DPP6: variants seen among roughly 807,000 people sequenced by gnomAD.
The protein encoded by DPP6 is A-type potassium channel modulatory protein DPP6.
A neutral mutation model predicts 122.6 loss-of-function variants in DPP6; 69 were observed. That is an observed-to-expected ratio of 0.56 (90% CI 0.46 to 0.69). The LOEUF is 0.69. DPP6 is among the 30% of genes least tolerant of loss of function. DPP6 has a pLI of 0.00. For synonymous variants in DPP6, 418 were observed against 433.1 expected (o/e 0.97, Z 0.43); for missense variants, 928 against 1,116.9 (o/e 0.83, Z 2.41).
intron 1 of DPP6, among the ~76,000 whole-genome samples, chr7:154,293,923 TGCAAAGATGAATAA>T (rs1805367620): frequency 6.6e-6 from 1 of 152,176 alleles, no homozygotes; most frequent in Non-Finnish European, 1.5e-5. Context: ...GCACACAGGA[TGCAAAGATGAATAA>T]GACCTTCCCT....
At chr7:153,790,602 G>T in the DPP6 span, among the ~76,000 whole-genome samples, 1 of 152,122 alleles carries the variant, frequency 6.6e-6, no homozygotes, top group Admixed American at 6.5e-5. Flanking sequence ...TGCTCTTTCT[G>T]TTGTAAAATG....
At chr7:154,622,823 C>T (rs1834782619) in intron 5 of DPP6, among the ~76,000 whole-genome samples, 1 of 152,214 alleles carries the variant, frequency 6.6e-6, no homozygotes, top group Non-Finnish European at 1.5e-5. Context: ...GAATCTCTCT[C>T]AGCAGATTTT....
chr7:154,387,297 C>T (rs1814201595), intron 1 of DPP6, among the ~76,000 whole-genome samples: 1 of 150,212 alleles, frequency 6.7e-6, no homozygotes, highest in Non-Finnish European at 1.5e-5. Context: ...CAGTGACACA[C>T]AGTCCTTGCC....
intron 1 of DPP6, among the ~76,000 whole-genome samples, chr7:154,107,795 C>G (rs71203937): frequency 2.6e-5 from 4 of 152,280 alleles, no homozygotes; most frequent in South Asian, 2.1e-4. Context: ...CCCAGAAGTG[C>G]TGGTGAGGGG....
At chr7:153,904,422 C>T (rs529159388) in intron 1 of DPP6, among the ~76,000 whole-genome samples, 114 of 152,282 alleles carry the variant, frequency 7.5e-4, no homozygotes, top group African/African-American at 2.6e-3. Context: ...GTTCTCAGCA[C>T]CCTCATCAGT....
chr7:154,458,453 A>G (rs1420375292), intron 2 of DPP6, among the ~76,000 whole-genome samples: 1 of 152,068 alleles, frequency 6.6e-6, no homozygotes, highest in East Asian at 1.9e-4. Flanking sequence ...AGTCTCAGGT[A>G]TTTCTTCATA....
chr7:154,672,997 A>G (rs1838662912), intron 7 of DPP6, among the ~76,000 whole-genome samples: 1 of 152,118 alleles, frequency 6.6e-6, no homozygotes, highest in Admixed American at 6.6e-5. Flanking sequence ...TTAGGGGATC[A>G]TATGCTGTCT....
At position 154,052,642 on chromosome 7, in the gene DPP6, C is replaced by T. The variant is rs1235664376; in HGVS notation, c.-179C>T. On this transcript the variant is annotated 5_prime_UTR_variant, in exon 1 of 26. Transcript: ENST00000377770. The surrounding 1 kb of genome is among the most constrained non-coding windows in gnomAD (Gnocchi z 4.8). ...CCAGGCAGAGTCGCCAGCGGAGACT[C>T]GCGAGTGGCGCGCGGGAGGAGCGGC... 7.9e-7 allele frequency: 1 copy of T among 1,261,574 alleles called. No individual in the cohort carries two copies. Among genetic ancestry groups the T allele is most frequent in the Admixed American group, 3.4e-5 (1 of 29,448 alleles). 78.1% of individuals were successfully genotyped at this position (1,261,574 alleles called of 1,614,324 possible).
chr7:154,373,438 C>T (rs532855349), intron 1 of DPP6, among the ~76,000 whole-genome samples: 33 of 152,306 alleles, frequency 2.2e-4, no homozygotes, highest in African/African-American at 7.7e-4. Flanking sequence ...TGAACGGGCT[C>T]CTGGCCGCTG....
chr7:154,297,883 G>A (rs1055288084), intron 1 of DPP6, among the ~76,000 whole-genome samples: 1 of 152,162 alleles, frequency 6.6e-6, no homozygotes, highest in East Asian at 1.9e-4. Context: ...CAGATGCTGC[G>A]ACGAGCTTTT....
Position 154,617,365 on chromosome 7 carries a change from G to A in DPP6, c.628-20456G>A, listed in dbSNP as rs558215804. ...TGCAGTTAAGGATCCTGGAATTACA[G>A]CATCTAATGTTCTAACTCTACTGCC... On this transcript the variant is annotated intron_variant, in intron 5 of 25. Coordinates refer to ENST00000377770, the MANE Select transcript of DPP6 (RefSeq NM_130797.4). Among the ~76,000 whole-genome samples, 12 of 152,336 alleles carry A rather than the reference G, an allele frequency of 7.9e-5. No individual in the cohort carries two copies. The East Asian group carries it at 2.3e-3, about 29-fold the overall frequency.
intron 1 of DPP6, among the ~76,000 whole-genome samples, chr7:154,390,238 A>G (rs1814499102): frequency 6.6e-6 from 1 of 152,214 alleles, no homozygotes; most frequent in South Asian, 2.1e-4. Flanking sequence ...GTGGAGGGTT[A>G]AAGTAAGACA....
intron 1 of DPP6, among the ~76,000 whole-genome samples, chr7:154,315,099 G>A (rs2151006611): frequency 6.6e-6 from 1 of 152,320 alleles, no homozygotes; most frequent in Non-Finnish European, 1.5e-5. Flanking sequence ...AAATAATGAG[G>A]ATGTTACCGT....
intron 8 of DPP6, among the ~76,000 whole-genome samples, chr7:154,761,777 C>A (rs573333081): frequency 9.9e-5 from 15 of 151,938 alleles, no homozygotes; most frequent in African/African-American, 3.6e-4. Context: ...ATACATGTGC[C>A]ATGTTGGTGT....
chr7:154,352,983 T>C (rs183287559), intron 1 of DPP6, among the ~76,000 whole-genome samples: 2 of 152,362 alleles, frequency 1.3e-5, no homozygotes, highest in South Asian at 2.1e-4. Flanking sequence ...TTTAGAGATA[T>C]AAACTACAAG....
chr7:154,809,925 A>G (rs1006852636), intron 16 of DPP6, among the ~76,000 whole-genome samples: 1 of 152,154 alleles, frequency 6.6e-6, no homozygotes, highest in East Asian at 1.9e-4. Context: ...GCTGGAGTGC[A>G]CTAGTGCCAT....
chr7:154,782,862 C>A (rs1381374362), intron 10 of DPP6, among the ~76,000 whole-genome samples: 1 of 152,226 alleles, frequency 6.6e-6, no homozygotes, highest in East Asian at 1.9e-4. Context: ...CGGCTCACTG[C>A]AACCTCCGCC....
At chr7:154,305,906 C>T (rs528687511) in intron 1 of DPP6, among the ~76,000 whole-genome samples, 1 of 152,226 alleles carries the variant, frequency 6.6e-6, no homozygotes, top group South Asian at 2.1e-4. Context: ...TAACGAGTTC[C>T]CTGGGAAGGT....
chr7:154,831,609 TA>T (rs111776985), intron 16 of DPP6, among the ~76,000 whole-genome samples: 2 of 152,082 alleles, frequency 1.3e-5, no homozygotes, highest in African/African-American at 4.8e-5. Flanking sequence ...TATTTCTTTT[TA>T]AAAAAAATCT....
Sources: allele counts gnomAD v4.1 joint callset (sites outside exome capture counted in the v4.1 genomes callset), GRCh38; gene constraint gnomAD v4.1.1; non-coding constraint Gnocchi (gnomAD v3.1); transcripts MANE v1.5; gene names NCBI Gene and HGNC (gene_info 2026-07-23, HGNC 2026-07-21).